MASTL: variants seen among roughly 807,000 people sequenced by gnomAD.
MASTL encodes serine/threonine-protein kinase greatwall.
A neutral mutation model predicts 82.5 loss-of-function variants in MASTL; 54 were observed. The ratio of observed to expected loss-of-function variants is 0.65; its 90% confidence interval spans 0.53 to 0.82. The LOEUF is 0.82. Among genes scored for constraint, MASTL ranks in the 40% least tolerant of loss-of-function variants. MASTL has a pLI of 0.00. For synonymous variants in MASTL, 323 were observed against 368.9 expected, an observed-to-expected ratio of 0.88 and a Z score of 1.43; for missense variants, 950 against 1,047.8, an observed-to-expected ratio of 0.91 and a Z score of 1.29.
chr10:27,170,274 G>T lies in MASTL; in HGVS notation c.1315G>T (p.Gly439Trp). Residue 439 changes from glycine to tryptophan, a missense_variant, in exon 8 of 12, where the codon GGG (glycine) becomes TGG (tryptophan). By Grantham distance (184) the Gly-to-Trp change is radical (BLOSUM62 -2). Coordinates refer to ENST00000375940, the MANE Select transcript of MASTL (RefSeq NM_001172303.3). ...TGGTGGGATATCTGAAGAGCACCTT[G>T]GGAAAAGAAGTTTAAAAAGAAATTT... ...DSGGISEEHLGKRSLKRNFEL... is the reference protein window; with the variant it reads ...DSGGISEEHLWKRSLKRNFEL... The T allele has an allele frequency of 3.7e-6, 6 of 1,613,980 alleles. No homozygotes were observed. Among genetic ancestry groups the T allele is most frequent in the Non-Finnish European group, 5.1e-6 (6 of 1,179,952 alleles).
intron 7 of MASTL, among the ~76,000 whole-genome samples, chr10:27,169,376 A>G (rs1297309582): frequency 6.6e-6 from 1 of 152,024 alleles, no homozygotes; most frequent in African/African-American, 2.4e-5. Flanking sequence ...TAGCCTGGCC[A>G]ACATAGTGAA....
intron 11 of MASTL, among the ~76,000 whole-genome samples, 188 bp from the exon 12 acceptor site, chr10:27,186,191 T>C (rs921099872): frequency 6.6e-6 from 1 of 152,232 alleles, no homozygotes; most frequent in Non-Finnish European, 1.5e-5. Context: ...CCAAGTGATA[T>C]TCAAAATGGC....
chr10:27,169,998 T>C lies in MASTL; in HGVS notation c.1039T>C (p.Leu347=). ...TMMSWNAVEK[L]CAKSANAIET... ...GATGAGTTGGAATGCAGTTGAAAAG[T>C]TATGCGCAAAATCTGCAAATGCCAT... The change falls in exon 8 of 12, where the codon TTA becomes CTA. Residue 347 remains leucine (L), a synonymous_variant. Coordinates refer to ENST00000375940, the MANE Select transcript of MASTL (RefSeq NM_001172303.3). 6.2e-7 allele frequency: 1 copy of C among 1,614,108 alleles called. No homozygotes were observed. The highest frequency in any genetic ancestry group is 1.1e-5 in the South Asian group (1 of 91,082).
At chr10:27,155,698 C>A (rs760063940) in intron 1 of MASTL, 86 bp downstream of exon 1, 29 of 1,501,896 alleles carry the variant, frequency 1.9e-5, no homozygotes, top group Non-Finnish European at 2.6e-5. Flanking sequence ...CCCGGGGTTG[C>A]TGGAGCGAGG....
chr10:27,184,514 C>A (rs191797938), intron 11 of MASTL, among the ~76,000 whole-genome samples: 1 of 146,364 alleles, frequency 6.8e-6, no homozygotes, highest in Non-Finnish European at 1.5e-5. Flanking sequence ...ACATATTGGT[C>A]AGATTGCCAT....
chr10:27,171,310 T>C (rs1228514099), intron 8 of MASTL, among the ~76,000 whole-genome samples: 1 of 152,052 alleles, frequency 6.6e-6, no homozygotes, highest in Non-Finnish European at 1.5e-5. Context: ...TTTATGTACT[T>C]TCCTAAGAAA....
chr10:27,158,107 C>T (rs1365288869), intron 1 of MASTL, among the ~76,000 whole-genome samples: 1 of 152,074 alleles, frequency 6.6e-6, no homozygotes, highest in East Asian at 1.9e-4. Flanking sequence ...TTTAAACCGT[C>T]TTAACTATTT....
intron 1 of MASTL, among the ~76,000 whole-genome samples, chr10:27,156,049 G>C (rs1448500677): frequency 6.6e-6 from 1 of 152,026 alleles, no homozygotes; most frequent in Non-Finnish European, 1.5e-5. Context: ...CTGTTTCCCA[G>C]GCTGGAGTGC....
intron 4 of MASTL, among the ~76,000 whole-genome samples, chr10:27,163,791 C>G (rs575156235): frequency 6.6e-6 from 1 of 151,926 alleles, no homozygotes; most frequent in South Asian, 2.1e-4. Context: ...CCACCACGCC[C>G]GGCTAATTTT....
chr10:27,180,452 C>T (rs1296398438), intron 9 of MASTL, among the ~76,000 whole-genome samples: 3 of 151,988 alleles, frequency 2.0e-5, no homozygotes, highest in African/African-American at 2.4e-5. Context: ...AGTGCAGTGG[C>T]GTGATCTCGG....
intron 9 of MASTL, among the ~76,000 whole-genome samples, chr10:27,174,747 C>T (rs989414850): frequency 2.0e-5 from 3 of 152,114 alleles, no homozygotes; most frequent in African/African-American, 7.2e-5. Context: ...GAGAAGGACA[C>T]CAGTCATTAG....
chr10:27,186,573 A>C lies in MASTL; in HGVS notation c.*37A>C. The C allele has an allele frequency of 6.4e-7, 1 of 1,551,204 alleles. No individual in the cohort carries two copies. Among genetic ancestry groups the C allele is most frequent in the Non-Finnish European group, 8.9e-7 (1 of 1,121,950 alleles). On this transcript the variant is annotated 3_prime_UTR_variant, in exon 12 of 12. Coordinates refer to ENST00000375940, the MANE Select transcript of MASTL (RefSeq NM_001172303.3). ...TCCTTTTAGTCTAGCCTTGTGTTATAGAATGAACTTGCATAATTATATACT... is the reference window on the plus strand; with the variant it reads ...TCCTTTTAGTCTAGCCTTGTGTTATCGAATGAACTTGCATAATTATATACT...
intron 11 of MASTL, among the ~76,000 whole-genome samples, chr10:27,181,840 C>T (rs558139528): frequency 1.1e-4 from 16 of 151,926 alleles, no homozygotes; most frequent in Admixed American, 3.3e-4. Context: ...TCTGGTAGGC[C>T]GAGGCAGGCG....
At chr10:27,164,136 GT>G (rs2057665708) in intron 4 of MASTL, among the ~76,000 whole-genome samples, 1 of 152,086 alleles carries the variant, frequency 6.6e-6, no homozygotes. Flanking sequence ...GAACATTAGA[GT>G]TCTGGGATTA....
intron 11 of MASTL, among the ~76,000 whole-genome samples, chr10:27,183,269 TTTGTTGTTGTTG>T (rs4018758): frequency 4.0e-5 from 6 of 150,184 alleles, no homozygotes; most frequent in African/African-American, 1.2e-4. Flanking sequence ...TTAAAATTCT[TTTGTTGTTGTTG>T]TTGTTGTTGT....
At chr10:27,182,641 G>T (rs946419224) in intron 11 of MASTL, among the ~76,000 whole-genome samples, 2 of 152,080 alleles carry the variant, frequency 1.3e-5, no homozygotes, top group Non-Finnish European at 2.9e-5. Flanking sequence ...CTACTTGGGG[G>T]CTTAGGCAGG....
Position 27,155,737 on chromosome 10 carries a change from T to C in MASTL, c.186+125T>C. On this transcript the variant is annotated intron_variant, in intron 1 of 11. Transcript: ENST00000375940. ...CTGGGTGGCCTGGCTTGCTGAAGCCTCCAGAGCCCTGCGAGCTGACTTCTT... is the reference window on the plus strand; with the variant it reads ...CTGGGTGGCCTGGCTTGCTGAAGCCCCCAGAGCCCTGCGAGCTGACTTCTT... 2.9e-6 allele frequency: 3 copies of C among 1,048,534 alleles called. No individual in the cohort carries two copies. In the South Asian group the frequency reaches 4.0e-5, roughly 14 times the overall value. 65.0% of individuals were successfully genotyped at this position (1,048,534 alleles called of 1,614,324 possible).
rs1399120899 is a variant in MASTL, at chr10:27,167,089, C to G, written c.812-13C>G. On this transcript the variant is annotated splice_polypyrimidine_tract_variant and intron_variant, in intron 6 of 11. Transcript: ENST00000375940. ...GCTGTAACATGGAATTCAATATTGT[C>G]TCTTCTCTATAGGTCTTGAAACAGT... The G allele has an allele frequency of 3.1e-6, 5 of 1,607,760 alleles. No individual in the cohort carries two copies. The East Asian group carries it at 6.7e-5, about 22-fold the overall frequency.
chr10:27,169,881 T>C (rs1461578673), intron 7 of MASTL, 63 bp from the exon 8 acceptor site: 1 of 1,541,370 alleles, frequency 6.5e-7, no homozygotes, highest in South Asian at 1.1e-5. Context: ...TAACGGACCA[T>C]AGTTAAAAGG....
Sources: gnomAD v4.1 joint callset for allele counts (sites outside exome capture counted in the v4.1 genomes callset) on GRCh38, gnomAD v4.1.1 for gene constraint, MANE v1.5 for transcripts, NCBI Gene and HGNC (gene_info 2026-07-23, HGNC 2026-07-21) for gene names.